The following ETF1 variants were observed in gnomAD, a reference collection of about 807,000 sequenced individuals.
ETF1 encodes the protein eukaryotic translation termination factor 1.
In ETF1, 4 loss-of-function variants were observed where a neutral mutation model predicts 55.1. The observed-to-expected ratio is 0.07, with a 90% confidence interval of 0.04 to 0.17. The LOEUF (loss-of-function observed/expected upper bound fraction) is 0.17, where lower values mean the gene tolerates loss of function less well. ETF1 is among the 10% of genes least tolerant of loss of function. The probability of loss-of-function intolerance (pLI) is 1.00; values close to 1 mark genes in which losing one functional copy is unlikely to be tolerated. For synonymous variants in ETF1, 157 were observed against 182.3 expected (o/e 0.86, Z 1.12); for missense variants, 142 against 523.6 (o/e 0.27, Z 7.11).
Position 138,508,211 on chromosome 5 carries a change from T to A in ETF1, c.*94A>T, listed in dbSNP as rs562650296. The A allele has an allele frequency of 7.2e-7, 1 of 1,383,744 alleles. No homozygotes were observed. The highest frequency in any genetic ancestry group is 2.4e-5 in the East Asian group (1 of 42,170). 85.7% of individuals were successfully genotyped at this position (1,383,744 alleles called of 1,614,324 possible). A position where few individuals can be genotyped will look rare whatever the true frequency, so the allele number is the denominator to read the frequency against. On this transcript the variant is annotated 3_prime_UTR_variant, in exon 11 of 11. Coordinates refer to ENST00000360541, the MANE Select transcript of ETF1 (RefSeq NM_004730.4). ...TTAAGTTCTGGAAATGTTCCAATTG[T>A]AAGGCAGGGATCTGTTTGGATTCCA...
At chr5:138,526,708 GT>G (rs930983035) in intron 2 of ETF1, among the ~76,000 whole-genome samples, 12 of 147,492 alleles carry the variant, frequency 8.1e-5, no homozygotes, top group South Asian at 2.2e-4. Flanking sequence ...AACAGCTATT[GT>G]TTTTTTTTTG....
intron 2 of ETF1, among the ~76,000 whole-genome samples, chr5:138,535,648 G>A (rs1561845609): frequency 2.0e-5 from 3 of 150,356 alleles, no homozygotes; most frequent in Admixed American, 1.3e-4. Flanking sequence ...TTGAACCTGG[G>A]AGGTGGAGGT....
intron 2 of ETF1, among the ~76,000 whole-genome samples, chr5:138,523,395 G>C (rs148965197): frequency 6.6e-6 from 1 of 151,952 alleles, no homozygotes; most frequent in African/African-American, 2.4e-5. Context: ...TTAGCCGAGC[G>C]TGGTGGCATG....
chr5:138,511,257 A>T (rs1378643854), intron 7 of ETF1, 57 bp from the exon 8 acceptor site: 1 of 1,591,412 alleles, frequency 6.3e-7, no homozygotes. Flanking sequence ...GTAGATACAA[A>T]CACACCTATT....
At chr5:138,516,079 G>A (rs1399759189) in intron 4 of ETF1, among the ~76,000 whole-genome samples, 1 of 152,168 alleles carries the variant, frequency 6.6e-6, no homozygotes, top group Non-Finnish European at 1.5e-5. Context: ...CTCTAATGAG[G>A]TTTCCTTTCC....
intron 2 of ETF1, among the ~76,000 whole-genome samples, chr5:138,538,468 G>A (rs1435990322): frequency 6.6e-6 from 1 of 152,230 alleles, no homozygotes; most frequent in Non-Finnish European, 1.5e-5. Flanking sequence ...GGGATTACAG[G>A]TGTGAGTCAA....
chr5:138,542,528 G>A (rs554176661), intron 2 of ETF1: 1 of 965,220 alleles, frequency 1.0e-6, no homozygotes, highest in South Asian at 2.0e-5. Flanking sequence ...CCTGGAGCCC[G>A]AAGAGGGAGG....
intron 2 of ETF1, among the ~76,000 whole-genome samples, chr5:138,530,457 T>C (rs1765652524): frequency 6.6e-6 from 1 of 151,772 alleles, no homozygotes; most frequent in South Asian, 2.1e-4. Context: ...GTTGTATTTT[T>C]AGTAGTGATG....
At chr5:138,522,348 T>C (rs1240724041) in intron 2 of ETF1, among the ~76,000 whole-genome samples, 2 of 152,154 alleles carry the variant, frequency 1.3e-5, no homozygotes, top group Non-Finnish European at 2.9e-5. Context: ...TGAGGAGACA[T>C]TTCTACAAAG....
chr5:138,519,588 G>A (rs1378291836), intron 2 of ETF1, among the ~76,000 whole-genome samples: 1 of 151,682 alleles, frequency 6.6e-6, no homozygotes, highest in Non-Finnish European at 1.5e-5. Context: ...ACTTGAATCC[G>A]GGAGGCGGAG....
intron 9 of ETF1, among the ~76,000 whole-genome samples, chr5:138,509,552 A>G (rs1284255713): frequency 2.0e-5 from 3 of 152,114 alleles, no homozygotes; most frequent in Non-Finnish European, 4.4e-5. Context: ...ACTTGGGCCC[A>G]GGAGTTCAAG....
intron 2 of ETF1, among the ~76,000 whole-genome samples, chr5:138,525,115 A>G (rs1765412934): frequency 6.6e-6 from 1 of 152,052 alleles, no homozygotes; most frequent in African/African-American, 2.4e-5. Flanking sequence ...AATTATCAAT[A>G]AATTCTAATT....
intron 2 of ETF1, among the ~76,000 whole-genome samples, chr5:138,530,412 G>A (rs1765649988): frequency 6.6e-6 from 1 of 151,240 alleles, no homozygotes; most frequent in Admixed American, 6.6e-5. Flanking sequence ...CCAAGTAGCT[G>A]GGATACAGGC....
chr5:138,532,000 C>T (rs1055783999), intron 2 of ETF1, among the ~76,000 whole-genome samples: 6 of 152,022 alleles, frequency 3.9e-5, no homozygotes, highest in Non-Finnish European at 8.8e-5. Flanking sequence ...GAGCCGAGAT[C>T]GAGCCACTGC....
In ETF1 at chr5:138,531,980, A is replaced by G. The variant is rs182057197; in HGVS notation, c.86+10853T>C. ...GAGAATGGTGTGAACCGGGAGGCGGAGCTTGCAGTGAGCCGAGATCGAGCC... is the reference window on the plus strand; with the variant it reads ...GAGAATGGTGTGAACCGGGAGGCGGGGCTTGCAGTGAGCCGAGATCGAGCC... On this transcript the variant is annotated intron_variant, in intron 2 of 10. Transcript: ENST00000360541. 3.8e-3 allele frequency among the ~76,000 whole-genome samples: 583 copies of G among 152,252 alleles called. 9 individuals are homozygous for G. The highest frequency in any genetic ancestry group is 0.013 in the African/African-American group (540 of 41,554).
intron 2 of ETF1, among the ~76,000 whole-genome samples, chr5:138,521,048 A>G (rs1765212766): frequency 6.6e-6 from 1 of 152,174 alleles, no homozygotes. Flanking sequence ...TCATAGCAGC[A>G]TTATTCACAA....
In ETF1 at chr5:138,507,502, T is replaced by C. The variant is rs758175967; in HGVS notation, c.*803A>G. On this transcript the variant is annotated 3_prime_UTR_variant, in exon 11 of 11. Coordinates refer to ENST00000360541, the MANE Select transcript of ETF1 (RefSeq NM_004730.4). Reference sequence around the variant, plus strand: ...CAGCAATAGCACAGAAGCCCCATCATATCCATCCCAAACCGGTTTCGAGTA... The same window carrying C: ...CAGCAATAGCACAGAAGCCCCATCACATCCATCCCAAACCGGTTTCGAGTA... 2 of 152,640 alleles carry C rather than the reference T, an allele frequency of 1.3e-5. No individual in the cohort carries two copies. Among genetic ancestry groups the C allele is most frequent in the Non-Finnish European group, 2.9e-5 (2 of 68,048 alleles). The allele number at this position is 152,640 out of a possible 1,614,324, so 9.5% of individuals were successfully genotyped here.
At chr5:138,519,978 C>T (rs1765171006) in intron 2 of ETF1, among the ~76,000 whole-genome samples, 1 of 144,966 alleles carries the variant, frequency 6.9e-6, no homozygotes, top group African/African-American at 2.6e-5. Flanking sequence ...TTGTTAAATG[C>T]GTATCTCAAA....
intron 8 of ETF1, 28 bp downstream of exon 8, chr5:138,511,017 T>G: frequency 3.1e-6 from 5 of 1,607,422 alleles, no homozygotes; most frequent in Non-Finnish European, 4.2e-6. Flanking sequence ...CAGTAACAAA[T>G]AGCAACCTTA....
Sources: gnomAD v4.1 joint callset for allele counts (sites outside exome capture counted in the v4.1 genomes callset) on GRCh38, gnomAD v4.1.1 for gene constraint, MANE v1.5 for transcripts, NCBI Gene and HGNC (gene_info 2026-07-23, HGNC 2026-07-21) for gene names.